The following UBE2H variants were observed in gnomAD, a reference collection of about 807,000 sequenced individuals.
The protein encoded by UBE2H is ubiquitin-conjugating enzyme E2 H.
UBE2H carries 3 observed loss-of-function variants against 29.0 expected under a neutral mutation model. The observed-to-expected ratio is 0.10, with a 90% CI of 0.05 to 0.27. The LOEUF is 0.27. UBE2H is among the 10% of genes least tolerant of loss of function. UBE2H has a pLI of 1.00. For missense variants in UBE2H, 68 were observed against 228.2 expected (o/e 0.30, Z 4.52); for synonymous variants, 69 against 82.9 (o/e 0.83, Z 0.91).
intron 1 of UBE2H, among the ~76,000 whole-genome samples, chr7:129,894,905 T>C (rs767714508): frequency 4.6e-5 from 7 of 152,152 alleles, no homozygotes; most frequent in Non-Finnish European, 8.8e-5. Context: ...GTTTAAAATC[T>C]GCAAACTTGG....
At chr7:129,888,102 G>A (rs1806400470) in intron 1 of UBE2H, among the ~76,000 whole-genome samples, 1 of 152,036 alleles carries the variant, frequency 6.6e-6, no homozygotes, top group Non-Finnish European at 1.5e-5. Context: ...TAAACTACAA[G>A]GAAAAATGGT....
intron 1 of UBE2H, among the ~76,000 whole-genome samples, chr7:129,928,887 C>CT (rs1334775367): frequency 6.6e-6 from 1 of 152,164 alleles, no homozygotes; most frequent in Non-Finnish European, 1.5e-5. Context: ...GAGTTTTACA[C>CT]TTTGTTTTAA....
intron 1 of UBE2H, among the ~76,000 whole-genome samples, chr7:129,923,770 A>G (rs960391081): frequency 2.0e-5 from 3 of 152,224 alleles, no homozygotes; most frequent in African/African-American, 7.2e-5. Flanking sequence ...CCATCCACTA[A>G]GCCATACTGT....
chr7:129,941,271 T>G (rs1439269542), intron 1 of UBE2H, among the ~76,000 whole-genome samples: 1 of 151,916 alleles, frequency 6.6e-6, no homozygotes, highest in Non-Finnish European at 1.5e-5. Context: ...GGTCTCGAAC[T>G]CCTGAGTTCA....
At chr7:129,865,368 A>G (rs922538983) in intron 3 of UBE2H, among the ~76,000 whole-genome samples, 1 of 152,080 alleles carries the variant, frequency 6.6e-6, no homozygotes, top group Non-Finnish European at 1.5e-5. Flanking sequence ...GTCAATATGT[A>G]AATAAATGAG....
chr7:129,847,028 A>T (rs62491494), intron 5 of UBE2H, among the ~76,000 whole-genome samples: 49,225 of 150,212 alleles, frequency 0.33, 8,278 homozygotes, highest in African/African-American at 0.38. Context: ...TATTATTATT[A>T]TTATTTTTTG....
At chr7:129,887,777 T>C (rs978866987) in intron 1 of UBE2H, among the ~76,000 whole-genome samples, 3 of 152,012 alleles carry the variant, frequency 2.0e-5, no homozygotes, top group African/African-American at 7.2e-5. Context: ...CACATGCCTG[T>C]AATCCCAGCT....
At chr7:129,890,335 G>GTA (rs1806456104) in intron 1 of UBE2H, among the ~76,000 whole-genome samples, 2 of 151,136 alleles carry the variant, frequency 1.3e-5, no homozygotes, top group African/African-American at 4.9e-5. Context: ...ATATACGTGT[G>GTA]TATATATATG....
chr7:129,942,477 A>C (rs1402811225), intron 1 of UBE2H, among the ~76,000 whole-genome samples: 1 of 152,148 alleles, frequency 6.6e-6, no homozygotes, highest in Non-Finnish European at 1.5e-5. Context: ...ACAAGAGTGA[A>C]ACTCCGTCTC....
intron 3 of UBE2H, among the ~76,000 whole-genome samples, chr7:129,872,158 G>A (rs1584757056): frequency 6.6e-6 from 1 of 152,076 alleles, no homozygotes; most frequent in Admixed American, 6.5e-5. Flanking sequence ...CCCAGTCACA[G>A]AATTCATTTT....
chr7:129,938,862 G>A (rs901074536), intron 1 of UBE2H, among the ~76,000 whole-genome samples: 1 of 151,384 alleles, frequency 6.6e-6, no homozygotes, highest in Non-Finnish European at 1.5e-5. Context: ...GCAGTGATGC[G>A]ATCTCGGCTC....
chr7:129,846,980 G>T (rs1805522220), intron 5 of UBE2H, among the ~76,000 whole-genome samples: 2 of 151,896 alleles, frequency 1.3e-5, no homozygotes, highest in South Asian at 4.2e-4. Flanking sequence ...TTTGTACACT[G>T]TTACCCCGGG....
At chr7:129,851,590 C>CAT (rs1805610852) in intron 5 of UBE2H, among the ~76,000 whole-genome samples, 1 of 152,178 alleles carries the variant, frequency 6.6e-6, no homozygotes, top group South Asian at 2.1e-4. Context: ...GTTACATTTA[C>CAT]ATATAATCAA....
At chr7:129,951,894 G>T (rs930209486) in intron 1 of UBE2H, among the ~76,000 whole-genome samples, 6 of 152,136 alleles carry the variant, frequency 3.9e-5, no homozygotes, top group Admixed American at 3.9e-4. Context: ...AAACAGTAGG[G>T]TTCTCCCGGG....
intron 1 of UBE2H, among the ~76,000 whole-genome samples, chr7:129,930,770 T>C (rs1182192299): frequency 1.3e-5 from 2 of 151,390 alleles, no homozygotes; most frequent in Non-Finnish European, 2.9e-5. Flanking sequence ...TAGCCGGGCA[T>C]GGTGGTACGC....
intron 1 of UBE2H, among the ~76,000 whole-genome samples, chr7:129,888,399 C>T (rs1030656083): frequency 5.9e-5 from 9 of 152,140 alleles, no homozygotes; most frequent in Non-Finnish European, 1.0e-4. Flanking sequence ...CAACTGTTAT[C>T]CTAGCACTTC....
At chr7:129,886,104 T>C (rs187677517) in intron 1 of UBE2H, among the ~76,000 whole-genome samples, 27 of 152,312 alleles carry the variant, frequency 1.8e-4, no homozygotes, top group Non-Finnish European at 3.1e-4. Context: ...ATATAAAATA[T>C]CCTTCAGACA....
intron 1 of UBE2H, among the ~76,000 whole-genome samples, chr7:129,908,064 A>G (rs1806855911): frequency 6.6e-6 from 1 of 152,146 alleles, no homozygotes; most frequent in African/African-American, 2.4e-5. Flanking sequence ...TTCAATATTC[A>G]CCAGCACACC....
At chr7:129,946,057 AT>A (rs1032765802) in intron 1 of UBE2H, among the ~76,000 whole-genome samples, 194 of 11,818 alleles carry the variant, frequency 0.016, 3 homozygotes, top group Admixed American at 0.048. Context: ...AGTCATTATT[AT>A]TTTTTTTTTT....
Sources: allele counts gnomAD v4.1 joint callset (sites outside exome capture counted in the v4.1 genomes callset), GRCh38; gene constraint gnomAD v4.1.1; transcripts MANE v1.5; gene names NCBI Gene and HGNC (gene_info 2026-07-23, HGNC 2026-07-21).